Variants in SHISA9 observed in about 807,000 individuals in gnomAD.
SHISA9 encodes the protein protein shisa-9.
SHISA9 carries 13 observed loss-of-function variants against 38.0 expected under a neutral mutation model. The ratio of observed to expected loss-of-function variants is 0.34; its 90% confidence interval spans 0.22 to 0.54. The LOEUF is 0.54. Ranked by LOEUF, SHISA9 falls within the 20% of genes least tolerant of loss-of-function variation. The probability of loss-of-function intolerance (pLI) is 0.91; values close to 1 mark genes in which losing one functional copy is unlikely to be tolerated. For synonymous variants in SHISA9, 275 were observed against 242.0 expected, an observed-to-expected ratio of 1.14 and a Z score of -1.27; for missense variants, 538 against 575.8, an observed-to-expected ratio of 0.93 and a Z score of 0.67.
the SHISA9 span, among the ~76,000 whole-genome samples, chr16:13,327,517 G>A: frequency 6.6e-6 from 1 of 151,926 alleles, no homozygotes; most frequent in African/African-American, 2.4e-5. Context: ...TCGGGAGACT[G>A]AGGCAGGAGA....
the SHISA9 span, among the ~76,000 whole-genome samples, chr16:13,325,574 C>T: frequency 2.0e-5 from 3 of 152,118 alleles, no homozygotes; most frequent in African/African-American, 7.2e-5. Context: ...GCAGTTATGC[C>T]GACTGAGAAG....
chr16:13,211,096 A>G (rs994369749), intron 3 of SHISA9, among the ~76,000 whole-genome samples: 1 of 152,158 alleles, frequency 6.6e-6, no homozygotes, highest in East Asian at 1.9e-4. Context: ...CAGGAGTTCG[A>G]GACCAGCCTG....
the SHISA9 span, among the ~76,000 whole-genome samples, chr16:13,544,425 TC>T: frequency 3.2e-4 from 35 of 108,422 alleles, no homozygotes; most frequent in South Asian, 7.3e-4. Flanking sequence ...TTTTTTTTTT[TC>T]TTGTTTTTTT....
At position 13,181,015 on chromosome 16, in the gene SHISA9, A is replaced by C. The variant is rs370470939; in HGVS notation, c.692-22379A>C. Among the ~76,000 whole-genome samples, 7 of 152,176 alleles carry C rather than the reference A, an allele frequency of 4.6e-5. No individual in the cohort carries two copies. In the East Asian group the frequency reaches 1.4e-3, roughly 29 times the overall value. Reference sequence around the variant, plus strand: ...TACCATGGGCTAGAAATTGTGCTGGATACTGGCATTAAACCAGTAGGCAAA... The same window carrying C: ...TACCATGGGCTAGAAATTGTGCTGGCTACTGGCATTAAACCAGTAGGCAAA... On this transcript the variant is annotated intron_variant, in intron 2 of 4. Coordinates refer to ENST00000558583, the MANE Select transcript of SHISA9 (RefSeq NM_001145204.3).
chr16:13,285,386 T>A, the SHISA9 span, among the ~76,000 whole-genome samples: 1 of 152,056 alleles, frequency 6.6e-6, no homozygotes, highest in African/African-American at 2.4e-5. Context: ...GGAGTAATTC[T>A]TCTGCCCAAG....
chr16:12,963,959 C>T (rs1182174102), intron 2 of SHISA9, among the ~76,000 whole-genome samples: 1 of 152,196 alleles, frequency 6.6e-6, no homozygotes. Context: ...TTCAGAAGCC[C>T]TTCAAGTCAT....
the SHISA9 span, among the ~76,000 whole-genome samples, chr16:13,488,976 C>T: frequency 2.0e-5 from 3 of 152,012 alleles, no homozygotes; most frequent in African/African-American, 4.8e-5. Context: ...GGTTTCACCA[C>T]GTGAGCCAGG....
chr16:13,125,054 G>A (rs1289853234), intron 2 of SHISA9, among the ~76,000 whole-genome samples: 2 of 152,064 alleles, frequency 1.3e-5, no homozygotes, highest in Non-Finnish European at 2.9e-5. Flanking sequence ...ACGTTGAAGT[G>A]GGCAAAGATT....
chr16:13,184,030 T>A (rs552002104), intron 2 of SHISA9, among the ~76,000 whole-genome samples: 5 of 152,114 alleles, frequency 3.3e-5, no homozygotes, highest in Admixed American at 1.3e-4. Context: ...AGGAGACGGT[T>A]GGGCAGGTGG....
the SHISA9 span, among the ~76,000 whole-genome samples, chr16:13,364,073 C>T: frequency 1.3e-5 from 2 of 152,160 alleles, no homozygotes; most frequent in African/African-American, 2.4e-5. Context: ...GAAAACAAAA[C>T]CAAAAAAGCC....
chr16:13,293,834 G>A, the SHISA9 span, among the ~76,000 whole-genome samples: 2 of 152,206 alleles, frequency 1.3e-5, no homozygotes, highest in Non-Finnish European at 2.9e-5. Context: ...GTGGTTGTAT[G>A]TGTGTCTAAG....
intron 2 of SHISA9, among the ~76,000 whole-genome samples, chr16:12,952,102 G>T (rs1004672648): frequency 1.3e-5 from 2 of 152,138 alleles, no homozygotes; most frequent in African/African-American, 4.8e-5. Flanking sequence ...TAATGCAGAC[G>T]TAAACATGGA....
At chr16:12,968,647 G>A (rs2072012909) in intron 2 of SHISA9, among the ~76,000 whole-genome samples, 1 of 152,180 alleles carries the variant, frequency 6.6e-6, no homozygotes. Context: ...AGAGAAGCCA[G>A]GCACAAAGGT....
the SHISA9 span, among the ~76,000 whole-genome samples, chr16:13,291,243 C>T: frequency 1.3e-5 from 2 of 152,126 alleles, no homozygotes; most frequent in Non-Finnish European, 2.9e-5. Flanking sequence ...AAAACTTGCA[C>T]AATATCACTT....
the SHISA9 span, among the ~76,000 whole-genome samples, chr16:13,490,899 G>A: frequency 1.3e-5 from 2 of 152,174 alleles, no homozygotes; most frequent in Non-Finnish European, 2.9e-5. Context: ...AGAGGGAAAT[G>A]TTCTTATTTT....
rs188459612 is a variant in SHISA9 at position 13,238,663 on chromosome 16, G to A, written c.*3254G>A. The A allele has an allele frequency of 2.6e-5, 4 of 152,152 alleles. No individual in the cohort carries two copies. The highest frequency in any genetic ancestry group is 4.8e-5 in the African/African-American group (2 of 41,518). The allele number at this position is 152,152 out of a possible 1,614,324, so 9.4% of individuals were successfully genotyped here. A position where few individuals can be genotyped will look rare whatever the true frequency, so the allele number is the denominator to read the frequency against. On this transcript the variant is annotated 3_prime_UTR_variant, in exon 5 of 5. Transcript: ENST00000558583. ...CACAATGATGGCCCAAGAAGGACAC[G>A]TACTTTCCAAGTAGTCCTGTCTAGG...
At chr16:13,538,381 A>C in the SHISA9 span, among the ~76,000 whole-genome samples, 1 of 152,258 alleles carries the variant, frequency 6.6e-6, no homozygotes, top group South Asian at 2.1e-4. Flanking sequence ...CAGTACAAGA[A>C]AAATGGTATT....
chr16:12,961,555 G>A (rs1473516959), intron 2 of SHISA9, among the ~76,000 whole-genome samples: 1 of 152,188 alleles, frequency 6.6e-6, no homozygotes, highest in Non-Finnish European at 1.5e-5. Flanking sequence ...GTATCCTGAT[G>A]TGGAAAGGTC....
At position 13,075,551 on chromosome 16, in the gene SHISA9, G is replaced by C. The variant is rs149987874; in HGVS notation, c.692-127843G>C. ...AGCTAGGGTCGTGGGCTCCCCAGGG[G>C]ATCCTTCTCGTTCTGAAAACTCAAC... On this transcript the variant is annotated intron_variant, in intron 2 of 4. Transcript: ENST00000558583. Among the ~76,000 whole-genome samples, 946 of 152,258 alleles carry C rather than the reference G, an allele frequency of 6.2e-3. 10 individuals carry two copies. The highest frequency in any genetic ancestry group is 0.022 in the African/African-American group (895 of 41,548).
Sources: gnomAD v4.1 joint callset for allele counts (sites outside exome capture counted in the v4.1 genomes callset) on GRCh38, gnomAD v4.1.1 for gene constraint, MANE v1.5 for transcripts, NCBI Gene and HGNC (gene_info 2026-07-23, HGNC 2026-07-21) for gene names.